NSG1: variants seen among roughly 807,000 people sequenced by gnomAD.
NSG1 encodes the protein neuronal vesicle trafficking-associated protein 1.
Under a neutral mutation model 19.3 loss-of-function variants are expected in NSG1, and 9 were observed. The ratio of observed to expected loss-of-function variants is 0.47; its 90% CI spans 0.28 to 0.81. The LOEUF (loss-of-function observed/expected upper bound fraction) is 0.81. Among genes scored for constraint, NSG1 ranks in the 40% least tolerant of loss-of-function variants. NSG1 has a pLI of 0.11. For synonymous variants in NSG1, 104 were observed against 107.0 expected (o/e 0.97, Z 0.17); for missense variants, 236 against 242.4 (o/e 0.97, Z 0.18).
At chr4:4,386,973 G>C (rs1465717999), upstream of NSG1, 1 of 90,718 alleles carries the variant, frequency 1.1e-5, no homozygotes, top group African/African-American at 3.2e-5. Flanking sequence ...GGCCACACGC[G>C]CGCACCCACC....
intron 2 of NSG1, among the ~76,000 whole-genome samples, chr4:4,390,886 A>G (rs1722955149): frequency 1.5e-5 from 2 of 130,010 alleles, no homozygotes; most frequent in Non-Finnish European, 3.3e-5. Context: ...TAGGGGGTGG[A>G]GGGGAATGAG....
At chr4:4,398,435 T>C (rs1300828318) in intron 3 of NSG1, among the ~76,000 whole-genome samples, 2 of 150,744 alleles carry the variant, frequency 1.3e-5, no homozygotes, top group East Asian at 3.8e-4. Flanking sequence ...CATTAAGCAG[T>C]CACTCCCATG....
chr4:4,406,664 G>A lies in NSG1; in HGVS notation c.247-2909G>A, dbSNP rs979884402. Among the ~76,000 whole-genome samples, 9 of 152,298 alleles carry A rather than the reference G, an allele frequency of 5.9e-5. No homozygotes were observed. In the East Asian group the frequency reaches 7.7e-4, roughly 13 times the overall value. The stretch of plus-strand genomic sequence containing the variant: ...AACAGCAGCGACAGCAGACAGCTCC[G>A]TCATGCTCCCCCCCAACCCAGGTGC... On this transcript the variant is annotated intron_variant, in intron 3 of 4. Transcript: ENST00000621129.
chr4:4,409,451 C>T (rs1394047977), intron 3 of NSG1, 122 bp from the exon 4 acceptor site: 2 of 732,862 alleles, frequency 2.7e-6, no homozygotes, highest in Non-Finnish European at 4.8e-6. Context: ...GCTGCCCTTA[C>T]CAGGTTCTTC....
At chr4:4,404,563 G>A (rs1036304483) in intron 3 of NSG1, among the ~76,000 whole-genome samples, 8 of 152,344 alleles carry the variant, frequency 5.3e-5, no homozygotes, top group African/African-American at 1.2e-4. Context: ...TTGGTTGAAC[G>A]ATGGAGTTGC....
At chr4:4,396,755 ATC>A (rs1437439100) in intron 3 of NSG1, among the ~76,000 whole-genome samples, 7 of 151,460 alleles carry the variant, frequency 4.6e-5, no homozygotes, top group Non-Finnish European at 8.8e-5. Flanking sequence ...CTGCGTGCGC[ATC>A]TGTTTCCACA....
chr4:4,402,649 A>G (rs192437264), intron 3 of NSG1, among the ~76,000 whole-genome samples: 5 of 152,208 alleles, frequency 3.3e-5, no homozygotes, highest in Admixed American at 3.3e-4. Context: ...CGGCCTCCCA[A>G]AGGGCTGGAA....
intron 3 of NSG1, among the ~76,000 whole-genome samples, chr4:4,402,387 T>A (rs1420006681): frequency 4.1e-5 from 4 of 96,426 alleles, no homozygotes; most frequent in African/African-American, 7.1e-5. Context: ...TTTTTTTTTT[T>A]TTTTTTTTTT....
intron 4 of NSG1, chr4:4,415,721 C>CT (rs2108757452): frequency 1.3e-5 from 2 of 155,026 alleles, no homozygotes; most frequent in Non-Finnish European, 2.8e-5. Context: ...TGAGCGGGGC[C>CT]GCCACTCCAC....
chr4:4,392,322 TGAGA>T (rs751825427), intron 3 of NSG1, among the ~76,000 whole-genome samples: 6 of 151,440 alleles, frequency 4.0e-5, no homozygotes, highest in Non-Finnish European at 7.4e-5. Context: ...TTGGGAAACA[TGAGA>T]GAGAGAGAGT....
intron 4 of NSG1, among the ~76,000 whole-genome samples, chr4:4,413,586 C>A (rs931212048): frequency 1.3e-5 from 2 of 150,690 alleles, no homozygotes. Flanking sequence ...GAGGGAGCAG[C>A]GGGCAGTGGG....
rs182723319 is a variant in NSG1, at chr4:4,410,950, C to T, written c.357+1267C>T. Among the ~76,000 whole-genome samples the T allele has an allele frequency of 8.2e-4, 125 of 152,250 alleles. 1 individual carries two copies. In the South Asian group the frequency reaches 9.4e-3, roughly 11 times the overall value. ...TTGACTCACTGCAACATCTGCCTCCCGGGTTCAAGCGATTCTTCTGCCTCA... is the reference window on the plus strand; with the variant it reads ...TTGACTCACTGCAACATCTGCCTCCTGGGTTCAAGCGATTCTTCTGCCTCA... On this transcript the variant is annotated intron_variant, in intron 4 of 4. Coordinates refer to ENST00000621129, the MANE Select transcript of NSG1 (RefSeq NM_014392.5).
chr4:4,400,938 T>C (rs1723518083), intron 3 of NSG1, among the ~76,000 whole-genome samples: 1 of 152,262 alleles, frequency 6.6e-6, no homozygotes, highest in Admixed American at 6.5e-5. Context: ...TATTGTGTTT[T>C]ACTCATTTAA....
At chr4:4,411,806 C>T (rs913090760) in intron 4 of NSG1, among the ~76,000 whole-genome samples, 3 of 115,892 alleles carry the variant, frequency 2.6e-5, no homozygotes, top group Non-Finnish European at 5.0e-5. Context: ...TGCCTTCTTC[C>T]AGAATCTCTC....
rs143808232 is a variant in NSG1 at position 4,398,922 on chromosome 4, A to G, written c.246+7331A>G. ...CCATTAGCAATGCACAATGGTTTCA[A>G]TTTCTCCACATCCTCACCAGCACTT... On this transcript the variant is annotated intron_variant, in intron 3 of 4. Transcript: ENST00000621129. Among the ~76,000 whole-genome samples the G allele has an allele frequency of 6.2e-3, 938 of 152,260 alleles. 11 individuals carry two copies. The highest frequency in any genetic ancestry group is 0.021 in the African/African-American group (891 of 41,542).
chr4:4,403,410 A>G (rs1723675619), intron 3 of NSG1, among the ~76,000 whole-genome samples: 1 of 152,130 alleles, frequency 6.6e-6, no homozygotes, highest in South Asian at 2.1e-4. Context: ...CATGGGGCTC[A>G]TGGTCCCGTC....
chr4:4,397,080 G>T (rs1723294149), intron 3 of NSG1, among the ~76,000 whole-genome samples: 1 of 146,712 alleles, frequency 6.8e-6, no homozygotes, highest in Non-Finnish European at 1.5e-5. Context: ...CTTTTGTGTG[G>T]GTTACCTAAA....
At chr4:4,389,851 A>G (rs1722909824) in intron 2 of NSG1, among the ~76,000 whole-genome samples, 1 of 152,226 alleles carries the variant, frequency 6.6e-6, no homozygotes, top group South Asian at 2.1e-4. Flanking sequence ...CCAGACACTT[A>G]TTCTGCACCA....
At chr4:4,404,462 CTG>C (rs1723742995) in intron 3 of NSG1, among the ~76,000 whole-genome samples, 2 of 152,364 alleles carry the variant, frequency 1.3e-5, no homozygotes, top group South Asian at 4.1e-4. Context: ...TGCAGGGTCA[CTG>C]CGTGTGGCCG....
Sources: gnomAD v4.1 joint callset for allele counts (sites outside exome capture counted in the v4.1 genomes callset) on GRCh38, gnomAD v4.1.1 for gene constraint, MANE v1.5 for transcripts, NCBI Gene and HGNC (gene_info 2026-07-23, HGNC 2026-07-21) for gene names.